Variants in COL19A1 observed in about 807,000 individuals in gnomAD.
COL19A1 encodes the protein collagen type XIX alpha 1 chain, also known as collagen alpha-1(XIX) chain.
COL19A1 carries 159 observed loss-of-function variants against 190.2 expected under a neutral mutation model. The ratio of observed to expected loss-of-function variants is 0.84; its 90% CI spans 0.73 to 0.95. The LOEUF (loss-of-function observed/expected upper bound fraction) is 0.95, where lower values mean the gene tolerates loss of function less well. Ranked by LOEUF, COL19A1 falls within the 40% of genes least tolerant of loss-of-function variation. The pLI is 0.00. For synonymous variants in COL19A1, 509 were observed against 458.9 expected (o/e 1.11, Z -1.39); for missense variants, 1,418 against 1,431.9 (o/e 0.99, Z 0.16).
intron 14 of COL19A1, among the ~76,000 whole-genome samples, chr6:70,063,161 A>G (rs1780951224): frequency 6.6e-6 from 1 of 152,192 alleles, no homozygotes; most frequent in Admixed American, 6.5e-5. Flanking sequence ...TCTCCACCCC[A>G]AATCAACAGA....
At chr6:70,082,513 A>G (rs926018145) in intron 15 of COL19A1, among the ~76,000 whole-genome samples, 5 of 152,042 alleles carry the variant, frequency 3.3e-5, no homozygotes, top group Non-Finnish European at 7.4e-5. Context: ...CCCGGGTTCA[A>G]GCGATTCTCC....
chr6:70,000,163 C>T (rs1049195325), intron 11 of COL19A1, among the ~76,000 whole-genome samples: 1 of 152,134 alleles, frequency 6.6e-6, no homozygotes, highest in African/African-American at 2.4e-5. Flanking sequence ...ATGATGGTTT[C>T]CGGCTTCATC....
chr6:70,024,895 C>T (rs926005820), intron 12 of COL19A1, among the ~76,000 whole-genome samples: 1 of 152,144 alleles, frequency 6.6e-6, no homozygotes, highest in Non-Finnish European at 1.5e-5. Flanking sequence ...TTACTCCTGT[C>T]ATTGGAGGCA....
chr6:70,157,791 C>T (rs955643743), intron 34 of COL19A1, among the ~76,000 whole-genome samples: 1 of 152,122 alleles, frequency 6.6e-6, no homozygotes, highest in South Asian at 2.1e-4. Context: ...CATAGTCCAA[C>T]AGCTTTGAAC....
chr6:69,922,550 G>A (rs1356796576), intron 4 of COL19A1, among the ~76,000 whole-genome samples: 3 of 145,430 alleles, frequency 2.1e-5, no homozygotes, highest in East Asian at 2.0e-4. Flanking sequence ...GTGCAATCTC[G>A]GCTCACTGCA....
At position 70,207,270 on chromosome 6, in the gene COL19A1, A is replaced by G; in HGVS notation, c.3425A>G (p.Asn1142Ser). 1.9e-6 allele frequency: 3 copies of G among 1,610,902 alleles called. No individual in the cohort carries two copies. Among genetic ancestry groups the G allele is most frequent in the Non-Finnish European group, 2.5e-6 (3 of 1,178,258 alleles). ...CATGCCCATCAGCGCACAGGTGGGA[A>G]TTGAACACACCTGAAGAAGACTTGG... ...VSHAHQRTGG[N>S] Residue 1142 changes from asparagine (N) to serine (S), a missense_variant, in exon 51 of 51, where the codon AAT (asparagine) becomes AGT (serine). Coordinates refer to ENST00000620364, the MANE Select transcript of COL19A1 (RefSeq NM_001858.6).
At chr6:70,155,310 T>G (rs1244838558) in intron 31 of COL19A1, among the ~76,000 whole-genome samples, 1 of 152,176 alleles carries the variant, frequency 6.6e-6, no homozygotes, top group Non-Finnish European at 1.5e-5. Flanking sequence ...TTCTGTCAAC[T>G]GTTAAACTAT....
chr6:70,111,646 TTGAC>T (rs1253884722), intron 16 of COL19A1, among the ~76,000 whole-genome samples: 5 of 152,198 alleles, frequency 3.3e-5, no homozygotes, highest in Admixed American at 3.3e-4. Flanking sequence ...ATCTTCTCCT[TTGAC>T]TGAAATCCTT....
At chr6:70,195,188 C>T (rs1767125158) in intron 48 of COL19A1, among the ~76,000 whole-genome samples, 1 of 147,736 alleles carries the variant, frequency 6.8e-6, no homozygotes. Context: ...ATATTTTCCA[C>T]CACATAGTCT....
intron 11 of COL19A1, among the ~76,000 whole-genome samples, chr6:70,020,873 AAGAT>A (rs1215107476): frequency 2.6e-5 from 4 of 152,304 alleles, no homozygotes; most frequent in Middle Eastern, 3.4e-3. Flanking sequence ...AAATGTATAG[AAGAT>A]AGATATTCAT....
chr6:70,193,809 T>C (rs1480173387), intron 48 of COL19A1, among the ~76,000 whole-genome samples: 2 of 152,236 alleles, frequency 1.3e-5, no homozygotes, highest in African/African-American at 4.8e-5. Flanking sequence ...ATCATTTCAA[T>C]TCACTCCATT....
chr6:70,116,648 G>GTT (rs3842606), intron 16 of COL19A1, among the ~76,000 whole-genome samples: 19 of 150,396 alleles, frequency 1.3e-4, no homozygotes, highest in South Asian at 2.1e-4. Flanking sequence ...CCTAATGACT[G>GTT]TTTTTTTTTC....
chr6:69,944,108 G>C (rs897878062), intron 9 of COL19A1, among the ~76,000 whole-genome samples: 6 of 152,058 alleles, frequency 3.9e-5, no homozygotes, highest in Non-Finnish European at 5.9e-5. Context: ...AAGTGTCCTT[G>C]TCCACATCCA....
chr6:70,177,372 C>T (rs1421718062), intron 42 of COL19A1, among the ~76,000 whole-genome samples: 1 of 150,092 alleles, frequency 6.7e-6, no homozygotes, highest in African/African-American at 2.5e-5. Context: ...CCCACAGTCA[C>T]CCACCGAGAT....
intron 40 of COL19A1, among the ~76,000 whole-genome samples, chr6:70,170,145 A>G (rs1765410497): frequency 6.6e-6 from 1 of 152,166 alleles, no homozygotes; most frequent in Admixed American, 6.5e-5. Context: ...AGAAAAATGC[A>G]ATCATGAAAT....
chr6:70,155,345 C>T (rs1787368934), intron 31 of COL19A1, among the ~76,000 whole-genome samples: 1 of 152,158 alleles, frequency 6.6e-6, no homozygotes, highest in Admixed American at 6.5e-5. Flanking sequence ...GGCCCTTATT[C>T]TGTGCCTTTC....
intron 4 of COL19A1, among the ~76,000 whole-genome samples, chr6:69,918,053 A>G (rs911182208): frequency 1.8e-4 from 27 of 152,146 alleles, no homozygotes; most frequent in African/African-American, 6.5e-4. Context: ...AACTCAAGTC[A>G]TTGTGCCTGG....
intron 15 of COL19A1, among the ~76,000 whole-genome samples, chr6:70,088,520 T>C (rs1251396347): frequency 6.6e-6 from 1 of 152,152 alleles, no homozygotes; most frequent in Non-Finnish European, 1.5e-5. Flanking sequence ...TGACTATGGG[T>C]AACAAGTATT....
intron 17 of COL19A1, among the ~76,000 whole-genome samples, chr6:70,125,191 A>G (rs1015669494): frequency 6.6e-6 from 1 of 152,226 alleles, no homozygotes; most frequent in Admixed American, 6.5e-5. Context: ...AGATTAAATA[A>G]TGGACCATGT....
Sources: gnomAD v4.1 joint callset for allele counts (sites outside exome capture counted in the v4.1 genomes callset) on GRCh38, gnomAD v4.1.1 for gene constraint, MANE v1.5 for transcripts, NCBI Gene and HGNC (gene_info 2026-07-23, HGNC 2026-07-21) for gene names.